Variants in MACF1 observed in about 807,000 individuals in gnomAD.
MACF1 encodes the protein microtubule actin crosslinking factor 1.
MACF1 carries 193 observed loss-of-function variants against 854.8 expected under a neutral mutation model. The ratio of observed to expected loss-of-function variants is 0.23; its 90% CI spans 0.20 to 0.25. MACF1 has a LOEUF of 0.25. Among genes scored for constraint, MACF1 ranks in the 10% least tolerant of loss-of-function variants. The pLI is 1.00. For missense variants in MACF1, 7,722 were observed against 8,929.1 expected, an observed-to-expected ratio of 0.86 and a Z score of 5.45; for synonymous variants, 3,185 against 3,226.7, an observed-to-expected ratio of 0.99 and a Z score of 0.44.
Position 39,347,056 on chromosome 1 carries a change from A to G in MACF1, c.10661A>G (p.His3554Arg). 1 of 1,614,176 alleles carries G rather than the reference A, an allele frequency of 6.2e-7. No homozygotes were observed. The highest frequency in any genetic ancestry group is 8.5e-7 in the Non-Finnish European group (1 of 1,180,008). The change falls in exon 41 of 101, where the codon CAT (histidine) becomes CGT (arginine). Residue 3554 changes from histidine to arginine, a missense_variant. Coordinates refer to ENST00000564288, the MANE Select transcript of MACF1 (RefSeq NM_001394062.1). Reference sequence around the variant, plus strand: ...GATATTCAGTTCTTTATCTCAGAACATGCCCAGGACTTGTCCCCTCAGCAG... The same window carrying G: ...GATATTCAGTTCTTTATCTCAGAACGTGCCCAGGACTTGTCCCCTCAGCAG... ...AFDIQFFISE[H>R]AQDLSPQQNR...
rs1641891460 is a variant in MACF1, at chr1:39,388,623, G to A, written c.15781G>A (p.Val5261Met). ...EALQWVVGTE[V>M]EIINQQLADF... is the part of the protein sequence containing the mutation. ...CCTCCAGTGGGTAGTGGGGACCGAAGTGGAAATCATCAACCAACAATTAGC... is the reference window on the plus strand; with the variant it reads ...CCTCCAGTGGGTAGTGGGGACCGAAATGGAAATCATCAACCAACAATTAGC... Residue 5261 changes from valine to methionine, a missense_variant, in exon 58 of 101, where the codon GTG (valine) becomes ATG (methionine). Val to Met is a conservative substitution (Grantham distance 21). Coordinates refer to ENST00000564288, the MANE Select transcript of MACF1 (RefSeq NM_001394062.1). 2 of 1,584,408 alleles carry A rather than the reference G, an allele frequency of 1.3e-6. No homozygotes were observed. The highest frequency in any genetic ancestry group is 4.5e-5 in the East Asian group (2 of 44,536).
intron 22 of MACF1, among the ~76,000 whole-genome samples, chr1:39,301,775 T>C (rs1646048617): frequency 6.6e-6 from 1 of 152,072 alleles, no homozygotes; most frequent in African/African-American, 2.4e-5. Flanking sequence ...TTAAATCTTA[T>C]AATAATTACT....
At chr1:39,318,373 G>A (rs940071297) in intron 29 of MACF1, 80 bp from the exon 30 acceptor site, 66 of 1,296,992 alleles carry the variant, frequency 5.1e-5, no homozygotes, top group Non-Finnish European at 7.0e-5. Flanking sequence ...TGGATACATG[G>A]GTTAAAGAGG....
At chr1:39,167,845 G>T (rs1230336852) in intron 2 of MACF1, among the ~76,000 whole-genome samples, 2 of 149,442 alleles carry the variant, frequency 1.3e-5, no homozygotes, top group African/African-American at 5.0e-5. Flanking sequence ...CTGCACTCCA[G>T]CCTGGGCAAC....
At chr1:39,143,664 G>A (rs1643397096) in intron 2 of MACF1, among the ~76,000 whole-genome samples, 1 of 152,146 alleles carries the variant, frequency 6.6e-6, no homozygotes, top group African/African-American at 2.4e-5. Context: ...TCTTACCACT[G>A]GGGGAAAGAT....
At chr1:39,235,696 T>C (rs1398199398) in intron 2 of MACF1, among the ~76,000 whole-genome samples, 1 of 152,186 alleles carries the variant, frequency 6.6e-6, no homozygotes, top group African/African-American at 2.4e-5. Context: ...ATAATAACAA[T>C]GGTAGTAATA....
At chr1:39,157,203 CA>C (rs1241454012) in intron 2 of MACF1, among the ~76,000 whole-genome samples, 2 of 152,170 alleles carry the variant, frequency 1.3e-5, no homozygotes, top group African/African-American at 2.4e-5. Context: ...CTTCTGAGCT[CA>C]AGCAGTCCGC....
Position 39,322,594 on chromosome 1 carries a change from T to TTCCTA in MACF1, c.4030-14_4030-13insTCCTA. 6.2e-7 allele frequency: 1 copy of TTCCTA among 1,600,474 alleles called. No individual in the cohort carries two copies. Among genetic ancestry groups the TTCCTA allele is most frequent in the Non-Finnish European group, 8.6e-7 (1 of 1,167,730 alleles). ...AAACCCTGAGTAACTGTAGCGAAATTCATCCTTTCCTAGGACTATGAATTG... is the reference window on the plus strand; with the variant it reads ...AAACCCTGAGTAACTGTAGCGAAATTTCCTACATCCTTTCCTAGGACTATGAATTG... On this transcript the variant is annotated splice_polypyrimidine_tract_variant and intron_variant, in intron 31 of 100. Coordinates refer to ENST00000564288, the MANE Select transcript of MACF1 (RefSeq NM_001394062.1).
intron 1 of MACF1, among the ~76,000 whole-genome samples, chr1:39,217,292 AGAGACGGAG>A (rs1428190368): frequency 2.2e-5 from 3 of 138,562 alleles, no homozygotes; most frequent in Admixed American, 7.5e-5. Flanking sequence ...ATTTTATTTT[AGAGACGGAG>A]TCTTACTCTG....
Position 39,331,654 on chromosome 1 carries a change from T to C in MACF1, c.5066T>C (p.Leu1689Ser). 1.2e-6 allele frequency: 2 copies of C among 1,614,196 alleles called. No homozygotes were observed. Among genetic ancestry groups the C allele is most frequent in the East Asian group, 2.2e-5 (1 of 44,878 alleles). The change falls in exon 37 of 101, where the codon TTA becomes TCA. Residue 1689 changes from leucine (L) to serine (S), a missense_variant. Transcript: ENST00000564288. ...GLISAWLHSV[L>S]ESYLRTSKNL... ...ATTTCTGCATGGCTTCATTCAGTAT[T>C]AGAGTCTTATCTTAGAACATCCAAG...
intron 14 of MACF1, 121 bp downstream of exon 14, chr1:39,285,879 A>G (rs1368372586): frequency 1.8e-6 from 2 of 1,091,602 alleles, no homozygotes; most frequent in African/African-American, 1.6e-5. Context: ...TCAGTGTCTC[A>G]ATGGGGATAC....
upstream of MACF1, among the ~76,000 whole-genome samples, chr1:39,202,560 G>A (rs911882625): frequency 5.3e-5 from 8 of 151,630 alleles, no homozygotes; most frequent in African/African-American, 1.9e-4. Context: ...GCTTGAAGCC[G>A]GGAGGCACAG....
intron 49 of MACF1, among the ~76,000 whole-genome samples, chr1:39,367,922 A>G (rs1648878347): frequency 6.6e-6 from 1 of 151,568 alleles, no homozygotes; most frequent in South Asian, 2.1e-4. Context: ...GTGAGCCAAG[A>G]TACCGCCATT....
chr1:39,412,094 T>A, intron 58 of MACF1: 1 of 1,613,828 alleles, frequency 6.2e-7, no homozygotes, highest in African/African-American at 1.3e-5. Context: ...GATCACAGGG[T>A]TTCTCATGAA....
At chr1:39,137,270 A>G (rs1643201107) in intron 2 of MACF1, among the ~76,000 whole-genome samples, 1 of 152,204 alleles carries the variant, frequency 6.6e-6, no homozygotes, top group Admixed American at 6.5e-5. Context: ...GGGTTTTGCC[A>G]TGTTGGCCAG....
intron 40 of MACF1, among the ~76,000 whole-genome samples, chr1:39,345,974 C>T (rs745833157): frequency 4.0e-5 from 6 of 150,826 alleles, no homozygotes; most frequent in Non-Finnish European, 7.4e-5. Flanking sequence ...GAGGTAGAGG[C>T]ACAAGAATTG....
chr1:39,406,770 A>G (rs973300404), intron 58 of MACF1, among the ~76,000 whole-genome samples: 7 of 150,424 alleles, frequency 4.7e-5, no homozygotes, highest in East Asian at 1.9e-4. Flanking sequence ...ATTCTTTATA[A>G]TAGAATAACC....
intron 2 of MACF1, among the ~76,000 whole-genome samples, chr1:39,120,712 A>T (rs1158623120): frequency 6.6e-6 from 1 of 152,196 alleles, no homozygotes; most frequent in African/African-American, 2.4e-5. Flanking sequence ...TTGTGGGTAC[A>T]TAATAGGTGT....
At position 39,424,129 on chromosome 1, in the gene MACF1, A is replaced by T; in HGVS notation, c.16251A>T (p.Lys5417Asn). Residue 5417 changes from lysine to asparagine, a missense_variant, in exon 61 of 101, where the codon AAA becomes AAT. Lys to Asn is a moderately conservative substitution (Grantham distance 94). Coordinates refer to ENST00000564288, the MANE Select transcript of MACF1 (RefSeq NM_001394062.1). Reference protein sequence around the residue: ...AQSAELADREKITGQLESLES... With the variant: ...AQSAELADRENITGQLESLES... ...CAGCAGAGCTGGCTGATAGAGAGAA[A>T]ATCACTGGACAGCTGGAGAGTCTTG... is the stretch of plus-strand genomic sequence containing the variant. 1 of 1,613,414 alleles carries T rather than the reference A, an allele frequency of 6.2e-7. No homozygotes were observed. The highest frequency in any genetic ancestry group is 8.5e-7 in the Non-Finnish European group (1 of 1,179,892).
Sources: gnomAD v4.1 joint callset for allele counts (sites outside exome capture counted in the v4.1 genomes callset) on GRCh38, gnomAD v4.1.1 for gene constraint, MANE v1.5 for transcripts, NCBI Gene and HGNC (gene_info 2026-07-23, HGNC 2026-07-21) for gene names.